The following AGBL4 variants were observed in gnomAD, a reference collection of about 807,000 sequenced individuals.
The protein encoded by AGBL4 is cytosolic carboxypeptidase 6.
A neutral mutation model predicts 66.4 loss-of-function variants in AGBL4; 58 were observed. That is an observed-to-expected ratio of 0.87 (90% CI 0.71 to 1.09). AGBL4 has a LOEUF of 1.09. Ranked by LOEUF, AGBL4 falls within the 50% of genes least tolerant of loss-of-function variation. The pLI is 0.00. For synonymous variants in AGBL4, 234 were observed against 222.9 expected, an observed-to-expected ratio of 1.05 and a Z score of -0.44; for missense variants, 579 against 631.0, an observed-to-expected ratio of 0.92 and a Z score of 0.88.
intron 3 of AGBL4, among the ~76,000 whole-genome samples, chr1:49,397,101 C>T (rs1644989530): frequency 6.6e-6 from 1 of 152,154 alleles, no homozygotes; most frequent in Non-Finnish European, 1.5e-5. Context: ...CAGCTTTGCT[C>T]ACTTGCCCAC....
chr1:49,608,038 C>T (rs1645091297), intron 3 of AGBL4, among the ~76,000 whole-genome samples: 2 of 152,038 alleles, frequency 1.3e-5, no homozygotes, highest in Non-Finnish European at 2.9e-5. Flanking sequence ...CTCAGTGTTA[C>T]TGGGGCAGGT....
chr1:49,538,045 T>G (rs1236988990), intron 3 of AGBL4, among the ~76,000 whole-genome samples: 1 of 152,192 alleles, frequency 6.6e-6, no homozygotes, highest in Non-Finnish European at 1.5e-5. Context: ...TACAGAGTTC[T>G]CAAAGAACTA....
At chr1:48,540,671 A>T (rs1182241284) in intron 11 of AGBL4, among the ~76,000 whole-genome samples, 1 of 152,116 alleles carries the variant, frequency 6.6e-6, no homozygotes, top group African/African-American at 2.4e-5. Flanking sequence ...CAAGAGAATT[A>T]TGTGTTTACT....
At chr1:49,962,635 T>C (rs1255270195) in intron 1 of AGBL4, among the ~76,000 whole-genome samples, 1 of 152,172 alleles carries the variant, frequency 6.6e-6, no homozygotes, top group Admixed American at 6.6e-5. Flanking sequence ...CTGTGCTGGA[T>C]ATTTAGAATA....
At chr1:49,427,665 T>C (rs887299099) in intron 3 of AGBL4, among the ~76,000 whole-genome samples, 1 of 152,156 alleles carries the variant, frequency 6.6e-6, no homozygotes, top group African/African-American at 2.4e-5. Context: ...TCGCAGTGAA[T>C]GTTACAGCTC....
At chr1:49,277,641 C>T (rs563643288) in intron 3 of AGBL4, among the ~76,000 whole-genome samples, 10 of 150,264 alleles carry the variant, frequency 6.7e-5, no homozygotes, top group African/African-American at 2.2e-4. Context: ...TTTTCAGCTC[C>T]AAAAAATATG....
intron 1 of AGBL4, among the ~76,000 whole-genome samples, chr1:49,857,053 T>G (rs1353251405): frequency 8.6e-5 from 13 of 151,270 alleles, no homozygotes; most frequent in African/African-American, 3.1e-4. Flanking sequence ...AAATTCAACC[T>G]ATGTAAATCA....
chr1:49,943,481 G>A (rs1244323793), intron 1 of AGBL4, among the ~76,000 whole-genome samples: 7 of 152,130 alleles, frequency 4.6e-5, no homozygotes, highest in Admixed American at 1.3e-4. Flanking sequence ...ACGTGTAAAA[G>A]GGGGATCATC....
intron 6 of AGBL4, among the ~76,000 whole-genome samples, chr1:48,719,846 G>A (rs1194915699): frequency 6.6e-6 from 1 of 152,202 alleles, no homozygotes; most frequent in Non-Finnish European, 1.5e-5. Flanking sequence ...AGGTCACAGA[G>A]CTGGTAAGCG....
At chr1:49,748,971 A>C (rs2147830936) in intron 2 of AGBL4, among the ~76,000 whole-genome samples, 1 of 151,914 alleles carries the variant, frequency 6.6e-6, no homozygotes, top group Non-Finnish European at 1.5e-5. Context: ...TGTTCGTTCT[A>C]ATGATAGTTT....
chr1:49,803,193 C>T (rs919135850), intron 2 of AGBL4, among the ~76,000 whole-genome samples: 13 of 151,852 alleles, frequency 8.6e-5, no homozygotes, highest in Admixed American at 7.2e-4. Flanking sequence ...ATGATTTTTA[C>T]TCAACAATGT....
At chr1:49,941,621 T>TA (rs1654765522) in intron 1 of AGBL4, among the ~76,000 whole-genome samples, 1 of 151,792 alleles carries the variant, frequency 6.6e-6, no homozygotes, top group Non-Finnish European at 1.5e-5. Flanking sequence ...GAATAAAAGA[T>TA]AAAAAATTAT....
At chr1:48,847,005 A>C (rs541559945) in intron 6 of AGBL4, among the ~76,000 whole-genome samples, 9 of 141,262 alleles carry the variant, frequency 6.4e-5, no homozygotes, top group Non-Finnish European at 1.2e-4. Flanking sequence ...AAACAAAAAC[A>C]AAAAAACGAA....
At chr1:49,686,464 C>T (rs1047967122) in intron 3 of AGBL4, among the ~76,000 whole-genome samples, 14 of 152,186 alleles carry the variant, frequency 9.2e-5, no homozygotes, top group African/African-American at 3.4e-4. Context: ...TCCCATGAAA[C>T]AAAGTCAGTC....
chr1:49,838,431 A>G (rs1023144020), intron 2 of AGBL4, among the ~76,000 whole-genome samples: 5 of 152,206 alleles, frequency 3.3e-5, no homozygotes, highest in Non-Finnish European at 7.3e-5. Context: ...AAGCCTGGGA[A>G]ATGCGATTTT....
intron 1 of AGBL4, among the ~76,000 whole-genome samples, chr1:49,949,339 A>G (rs1655860400): frequency 1.3e-5 from 2 of 152,000 alleles, no homozygotes; most frequent in African/African-American, 2.4e-5. Context: ...CCCAAAAGCA[A>G]TTGCAATAAA....
At chr1:48,591,085 C>A (rs1644910206) in intron 9 of AGBL4, 100 bp from the exon 10 acceptor site, 2 of 766,502 alleles carry the variant, frequency 2.6e-6, no homozygotes, top group Non-Finnish European at 3.8e-6. Context: ...CACACACACC[C>A]ACCCACCCCC....
chr1:49,256,308 A>G (rs1652496835), intron 3 of AGBL4, among the ~76,000 whole-genome samples: 1 of 152,196 alleles, frequency 6.6e-6, no homozygotes, highest in Non-Finnish European at 1.5e-5. Flanking sequence ...GTTGTAATAT[A>G]TCAATTAAAA....
intron 2 of AGBL4, among the ~76,000 whole-genome samples, chr1:49,770,772 C>T (rs915844188): frequency 8.6e-5 from 13 of 151,958 alleles, no homozygotes; most frequent in African/African-American, 2.2e-4. Context: ...TTATTCATTT[C>T]GTCTAAGTTC....
Sources: allele counts gnomAD v4.1 joint callset (sites outside exome capture counted in the v4.1 genomes callset), GRCh38; gene constraint gnomAD v4.1.1; transcripts MANE v1.5; gene names NCBI Gene and HGNC (gene_info 2026-07-23, HGNC 2026-07-21).